KAT2A: variants seen among roughly 807,000 people sequenced by gnomAD.
KAT2A encodes lysine acetyltransferase 2A.
A neutral mutation model predicts 95.2 loss-of-function variants in KAT2A; 42 were observed. The observed-to-expected ratio is 0.44, with a 90% CI of 0.34 to 0.57. The LOEUF (loss-of-function observed/expected upper bound fraction) is 0.57, where lower values mean the gene tolerates loss of function less well. Ranked by LOEUF, KAT2A falls within the 20% of genes least tolerant of loss-of-function variation. The probability of loss-of-function intolerance (pLI) is 0.01; values close to 1 mark genes in which losing one functional copy is unlikely to be tolerated. For synonymous variants in KAT2A, 449 were observed against 448.2 expected (o/e 1.00, Z -0.02); for missense variants, 784 against 1,126.3 (o/e 0.70, Z 4.35).
Position 42,113,847 on chromosome 17 carries a change from G to T in KAT2A, c.2321-5C>A. The T allele has an allele frequency of 6.4e-7, 1 of 1,573,764 alleles. No individual in the cohort carries two copies. The highest frequency in any genetic ancestry group is 8.6e-7 in the Non-Finnish European group (1 of 1,162,394). Reference sequence around the variant, plus strand: ...GCTCAGTCATGGTCTTCAGGTCTGGGGCAGCAGGAGACGGAGCACAGCTTT... The same window carrying T: ...GCTCAGTCATGGTCTTCAGGTCTGGTGCAGCAGGAGACGGAGCACAGCTTT... On this transcript the variant is annotated splice_region_variant and splice_polypyrimidine_tract_variant and intron_variant, in intron 17 of 17. Coordinates refer to ENST00000225916, the MANE Select transcript of KAT2A (RefSeq NM_021078.3).
At position 42,119,209 on chromosome 17, in the gene KAT2A, T is replaced by C. The variant is rs2054301702; in HGVS notation, c.1073+36A>G. On this transcript the variant is annotated intron_variant, in intron 6 of 17. Coordinates refer to ENST00000225916, the MANE Select transcript of KAT2A (RefSeq NM_021078.3). The surrounding 1 kb of genome is among the most constrained non-coding windows in gnomAD (Gnocchi z 5.3). ...GGGGACAACAGGGAGGATGTGAACT[T>C]GGGGCCAAATCCTGGTAGGCCAGAA... 6.4e-7 allele frequency: 1 copy of C among 1,567,920 alleles called. No homozygotes were observed. Among genetic ancestry groups the C allele is most frequent in the African/African-American group, 1.4e-5 (1 of 73,620 alleles).
rs1485578765 is a variant in KAT2A, at chr17:42,116,941, G to C, written c.1764+94C>G. 5 of 1,457,516 alleles carry C rather than the reference G, an allele frequency of 3.4e-6. No homozygotes were observed. In the East Asian group the frequency reaches 9.2e-5, roughly 27 times the overall value. The allele number at this position is 1,457,516 out of a possible 1,614,324, so 90.3% of individuals were successfully genotyped here. The stretch of plus-strand genomic sequence containing the variant: ...GGCCGCTAACTAAGAGAAGAGCAAC[G>C]GGCTGCTGCATGCCACACATCCTGC... On this transcript the variant is annotated intron_variant, in intron 11 of 17. Transcript: ENST00000225916.
Position 42,117,652 on chromosome 17 carries a change from A to G in KAT2A, c.1428+26T>C, listed in dbSNP as rs2054278177. 1 of 1,606,070 alleles carries G rather than the reference A, an allele frequency of 6.2e-7. No homozygotes were observed. Among genetic ancestry groups the G allele is most frequent in the Non-Finnish European group, 8.5e-7 (1 of 1,174,840 alleles). On this transcript the variant is annotated intron_variant, in intron 9 of 17. Coordinates refer to ENST00000225916, the MANE Select transcript of KAT2A (RefSeq NM_021078.3). This position sits in a 1 kb window ranked among gnomAD's most constrained non-coding sequence, Gnocchi z 8.9. ...GTCTCAGGTTGGTGGGGGTCCCCCA[A>G]CTGGTCAGCAGGTCGGGCTGCCCAC...
At position 42,119,211 on chromosome 17, in the gene KAT2A, G is replaced by C. The variant is rs782458531; in HGVS notation, c.1073+34C>G. 1 of 1,569,594 alleles carries C rather than the reference G, an allele frequency of 6.4e-7. No individual in the cohort carries two copies. The highest frequency in any genetic ancestry group is 8.7e-7 in the Non-Finnish European group (1 of 1,153,778). On this transcript the variant is annotated intron_variant, in intron 6 of 17. Coordinates refer to ENST00000225916, the MANE Select transcript of KAT2A (RefSeq NM_021078.3). The surrounding 1 kb of genome is among the most constrained non-coding windows in gnomAD (Gnocchi z 5.3). ...GGACAACAGGGAGGATGTGAACTTG[G>C]GGCCAAATCCTGGTAGGCCAGAAGG...
chr17:42,115,260 C>G (rs2054239186), intron 12 of KAT2A, among the ~76,000 whole-genome samples: 1 of 144,396 alleles, frequency 6.9e-6, no homozygotes. Context: ...CCAGCCTGCT[C>G]TACTGGCCCC....
chr17:42,115,861 A>T, intron 11 of KAT2A, 28 bp from the exon 12 acceptor site: 2 of 1,310,156 alleles, frequency 1.5e-6, no homozygotes, highest in Non-Finnish European at 2.2e-6. Context: ...AGGACTCACC[A>T]GGAGCTGAGG....
rs539028351 is a variant in KAT2A, at chr17:42,119,417, C to T, written c.901G>A (p.Val301Met). 2 of 1,612,104 alleles carry T rather than the reference C, an allele frequency of 1.2e-6. No homozygotes were observed. The highest frequency in any genetic ancestry group is 1.7e-6 in the Non-Finnish European group (2 of 1,178,638). ...GGGAGGCTATCACAGCTCTGGGGCA[C>T]GTGGCAGTAACAGAGCCATCTGGAG... ...NYTRWLCYCH[V>M]PQSCDSLPRY... Residue 301 changes from valine (V) to methionine (M), a missense_variant, in exon 6 of 18, where the codon GTG becomes ATG. Val to Met is a conservative substitution (Grantham distance 21). This residue lies in a region of KAT2A where 208 missense variants were observed against 339.7 expected (regional missense o/e 0.61). Coordinates refer to ENST00000225916, the MANE Select transcript of KAT2A (RefSeq NM_021078.3). This position sits in a 1 kb window ranked among gnomAD's most constrained non-coding sequence, Gnocchi z 5.3.
Position 42,115,231 on chromosome 17 carries a change from G to A in KAT2A, c.1876-196C>T, listed in dbSNP as rs186655063. Among the ~76,000 whole-genome samples the A allele has an allele frequency of 1.8e-3, 267 of 151,696 alleles. 1 individual carries two copies. The highest frequency in any genetic ancestry group is 0.014 in the Middle Eastern group (4 of 294). On this transcript the variant is annotated intron_variant, in intron 12 of 17. Transcript: ENST00000225916. ...CAGCTGCCCACTCCTGACTCATCCC[G>A]AAGAGTCCCCCAGTTCCTCCAGCCT...
Position 42,114,183 on chromosome 17 carries a change from T to G in KAT2A, c.2235+36A>C, listed in dbSNP as rs1555665441. ...TGCATCAAGAGGCCACAGCCATTGG[T>G]GCAGGGGCCCTGGAAAGGAAACCTG... On this transcript the variant is annotated intron_variant, in intron 16 of 17. Coordinates refer to ENST00000225916, the MANE Select transcript of KAT2A (RefSeq NM_021078.3). This position sits in a 1 kb window ranked among gnomAD's most constrained non-coding sequence, Gnocchi z 6.0. The G allele has an allele frequency of 2.5e-6, 4 of 1,588,104 alleles. No homozygotes were observed. The East Asian group carries it at 6.7e-5, about 27-fold the overall frequency.
rs368302142 is a variant in KAT2A, at chr17:42,114,452, C to G, written c.2134+38G>C. 3 of 1,612,834 alleles carry G rather than the reference C, an allele frequency of 1.9e-6. No individual in the cohort carries two copies. In the African/African-American group the frequency reaches 4.0e-5, roughly 22 times the overall value. ...GAATGCCAGTCCACACCCCAAGCAT[C>G]GTGCCCCCACTACCCTGCAACTGAG... On this transcript the variant is annotated intron_variant, in intron 14 of 17. Coordinates refer to ENST00000225916, the MANE Select transcript of KAT2A (RefSeq NM_021078.3). This position sits in a 1 kb window ranked among gnomAD's most constrained non-coding sequence, Gnocchi z 6.0.
Position 42,121,023 on chromosome 17 carries a change from G to A in KAT2A, c.282C>T (p.Val94=), listed in dbSNP as rs112789649. The A allele has an allele frequency of 1.1e-5, 17 of 1,595,058 alleles. No homozygotes were observed. The South Asian group carries it at 1.7e-4, about 16-fold the overall frequency. Residue 94 remains valine (V), a synonymous_variant, in exon 1 of 18, where the codon GTC becomes GTT. Coordinates refer to ENST00000225916, the MANE Select transcript of KAT2A (RefSeq NM_021078.3). ...QQRASQRKAQ[V]RGLPRAKKLE... is the part of the protein sequence containing the mutation. Reference sequence around the variant, plus strand: ...GCTTCTTGGCGCGCGGCAGCCCCCGGACTTGCGCCTTCCTCTGACTGGCGC... The same window carrying A: ...GCTTCTTGGCGCGCGGCAGCCCCCGAACTTGCGCCTTCCTCTGACTGGCGC...
At chr17:42,113,962 A>G (rs375840124) in intron 17 of KAT2A, 38 bp downstream of exon 17, 2 of 1,491,656 alleles carry the variant, frequency 1.3e-6, no homozygotes, top group Admixed American at 2.7e-5. Context: ...GTGTGGGGAC[A>G]GAAGAGGAGG....
Position 42,114,696 on chromosome 17 carries a change from G to A in KAT2A, c.2020-92C>T. ...CGGAGCCACTGGCTGCACCCACCCAGCTGCAACGCCACCTAATCCAGCACC... is the reference window on the plus strand; with the variant it reads ...CGGAGCCACTGGCTGCACCCACCCAACTGCAACGCCACCTAATCCAGCACC... On this transcript the variant is annotated intron_variant, in intron 13 of 17. Transcript: ENST00000225916. The surrounding 1 kb of genome is among the most constrained non-coding windows in gnomAD (Gnocchi z 6.0). 19 of 1,252,778 alleles carry A rather than the reference G, an allele frequency of 1.5e-5. No homozygotes were observed. The highest frequency in any genetic ancestry group is 2.2e-5 in the Non-Finnish European group (19 of 874,002). 77.6% of individuals were successfully genotyped at this position (1,252,778 alleles called of 1,614,324 possible).
Position 42,117,773 on chromosome 17 carries a change from C to A in KAT2A, c.1333G>T (p.Ala445Ser). ...TCACCCATCACACGGAGCCGCTTGGCATCCTCCAGGGTCAGGTTCTCTGGG... is the reference window on the plus strand; with the variant it reads ...TCACCCATCACACGGAGCCGCTTGGAATCCTCCAGGGTCAGGTTCTCTGGG... ...TLPENLTLED[A>S]KRLRVMGDIP... Residue 445 changes from alanine (A) to serine (S), a missense_variant, in exon 9 of 18, where the codon GCC becomes TCC. Ala to Ser is a moderately conservative substitution (Grantham distance 99). Transcript: ENST00000225916. This position sits in a 1 kb window ranked among gnomAD's most constrained non-coding sequence, Gnocchi z 8.9. 1.2e-6 allele frequency: 2 copies of A among 1,614,042 alleles called. No individual in the cohort carries two copies. The highest frequency in any genetic ancestry group is 1.7e-6 in the Non-Finnish European group (2 of 1,179,920).
At position 42,113,665 on chromosome 17, in the gene KAT2A, C is replaced by A; in HGVS notation, c.2498G>T (p.Gly833Val). 1 of 1,609,872 alleles carries A rather than the reference C, an allele frequency of 6.2e-7. No individual in the cohort carries two copies. Among genetic ancestry groups the A allele is most frequent in the Non-Finnish European group, 8.5e-7 (1 of 1,178,870 alleles). ...KFFYFKLKEG[G>V]LIDK ...AAGATGGGCCTACTTGTCAATGAGG[C>A]CTCCCTCCTTGAGCTTGAAGTAGAA... Residue 833 changes from glycine (G) to valine (V), a missense_variant, in exon 18 of 18, where the codon GGC becomes GTC. Around this residue, in one of 6 missense-constraint regions of KAT2A, gnomAD observed 195 missense variants for 247.1 expected, o/e 0.79. Transcript: ENST00000225916.
At chr17:42,113,945 G>T in intron 17 of KAT2A, 55 bp downstream of exon 17, 1 of 1,482,692 alleles carries the variant, frequency 6.7e-7, no homozygotes, top group African/African-American at 1.4e-5. Flanking sequence ...AGTGAGGGCA[G>T]GAGCAGGTGT....
rs759474100 is a variant in KAT2A, at chr17:42,113,715, G to A, written c.2448C>T (p.Arg816=). The A allele has an allele frequency of 3.7e-6, 6 of 1,611,596 alleles. No individual in the cohort carries two copies. Among genetic ancestry groups the A allele is most frequent in the South Asian group, 1.1e-5 (1 of 90,856 alleles). ...EYNPPDSEYC[R]CASALEKFFY... ...AGAACTTCTCCAGGGCGCTGGCACA[G>A]CGGCAGTACTCGCTGTCCGGGGGGT... Residue 816 remains arginine (R), a synonymous_variant, in exon 18 of 18, where the codon CGC becomes CGT. Coordinates refer to ENST00000225916, the MANE Select transcript of KAT2A (RefSeq NM_021078.3).
In KAT2A at chr17:42,114,803, G is replaced by T; in HGVS notation, c.2019+89C>A. ...TCCTCACTCACACACATATATGCAT[G>T]TAGACGTAGAACAGGTCTACACACG... On this transcript the variant is annotated intron_variant, in intron 13 of 17. Coordinates refer to ENST00000225916, the MANE Select transcript of KAT2A (RefSeq NM_021078.3). This position sits in a 1 kb window ranked among gnomAD's most constrained non-coding sequence, Gnocchi z 6.0. 1 of 1,395,982 alleles carries T rather than the reference G, an allele frequency of 7.2e-7. No homozygotes were observed. The highest frequency in any genetic ancestry group is 1.0e-6 in the Non-Finnish European group (1 of 993,186). 86.5% of individuals were successfully genotyped at this position (1,395,982 alleles called of 1,614,324 possible).
In KAT2A at chr17:42,117,706, G is replaced by A. The variant is rs1555666322; in HGVS notation, c.1400C>T (p.Thr467Ile). The A allele has an allele frequency of 6.2e-7, 1 of 1,613,116 alleles. No individual in the cohort carries two copies. The highest frequency in any genetic ancestry group is 1.1e-5 in the South Asian group (1 of 90,960). ...ELVNEVMLTI[T>I]DPAAMLGPET... ...AGGCCCCAGCATGGCAGCAGGGTCA[G>A]TGATGGTCAGCATGACCTCATTGAC... The change falls in exon 9 of 18, where the codon ACT becomes ATT. Residue 467 changes from threonine to isoleucine, a missense_variant. Physicochemically the swap from Thr to Ile is moderately conservative, Grantham distance 89 (BLOSUM62 -1). Around this residue, in one of 6 missense-constraint regions of KAT2A, gnomAD observed 174 missense variants for 324.9 expected, o/e 0.54. Coordinates refer to ENST00000225916, the MANE Select transcript of KAT2A (RefSeq NM_021078.3). The surrounding 1 kb of genome is among the most constrained non-coding windows in gnomAD (Gnocchi z 8.9).
Sources: gnomAD v4.1 joint callset for allele counts (sites outside exome capture counted in the v4.1 genomes callset) on GRCh38, gnomAD v4.1.1 for gene constraint, gnomAD v4.1.1 regional missense constraint, Gnocchi (gnomAD v3.1) non-coding constraint, MANE v1.5 for transcripts, NCBI Gene and HGNC (gene_info 2026-07-23, HGNC 2026-07-21) for gene names.